The following TRAF3 variants were observed in gnomAD, a reference collection of about 807,000 sequenced individuals.
The protein encoded by TRAF3 is TNF receptor associated factor 3.
In TRAF3, 13 loss-of-function variants were observed where a neutral mutation model predicts 62.3. That is an observed-to-expected ratio of 0.21 (90% CI 0.14 to 0.33). TRAF3 has a LOEUF of 0.33. Ranked by LOEUF, TRAF3 falls within the 10% of genes least tolerant of loss-of-function variation. TRAF3 has a pLI of 1.00. For synonymous variants in TRAF3, 269 were observed against 283.4 expected, an observed-to-expected ratio of 0.95 and a Z score of 0.51; for missense variants, 440 against 741.8, an observed-to-expected ratio of 0.59 and a Z score of 4.73.
chr14:102,779,797 A>G (rs1310627520), intron 1 of TRAF3, among the ~76,000 whole-genome samples: 2 of 152,242 alleles, frequency 1.3e-5, no homozygotes, highest in East Asian at 3.8e-4. Context: ...AATTTGCCCA[A>G]CTCTATTTTC....
chr14:102,805,717 T>C (rs1267547786), intron 1 of TRAF3, among the ~76,000 whole-genome samples: 1 of 152,210 alleles, frequency 6.6e-6, no homozygotes. Context: ...AGGTTAGTCA[T>C]GCATTCCCTC....
intron 2 of TRAF3, among the ~76,000 whole-genome samples, chr14:102,868,807 G>A (rs751481557): frequency 1.3e-5 from 2 of 152,186 alleles, no homozygotes; most frequent in Non-Finnish European, 2.9e-5. Context: ...CATTTCTTCA[G>A]GAACTCGATT....
chr14:102,904,116 A>T (rs941907344), intron 11 of TRAF3, among the ~76,000 whole-genome samples: 1 of 152,196 alleles, frequency 6.6e-6, no homozygotes, highest in East Asian at 1.9e-4. Context: ...CGGGCTTCCC[A>T]GGAAGCCACA....
chr14:102,792,773 T>G (rs375552559), intron 1 of TRAF3, among the ~76,000 whole-genome samples: 1 of 152,164 alleles, frequency 6.6e-6, no homozygotes, highest in Non-Finnish European at 1.5e-5. Context: ...TGTTGTTAGA[T>G]TGAGTTTGCT....
intron 10 of TRAF3, among the ~76,000 whole-genome samples, chr14:102,902,194 G>A (rs956567897): frequency 1.3e-5 from 2 of 152,244 alleles, no homozygotes; most frequent in African/African-American, 2.4e-5. Flanking sequence ...GCAGCCTCGT[G>A]TGTTCGTGGC....
intron 6 of TRAF3, among the ~76,000 whole-genome samples, chr14:102,882,766 A>G (rs1412847869): frequency 6.6e-6 from 1 of 152,086 alleles, no homozygotes; most frequent in Non-Finnish European, 1.5e-5. Flanking sequence ...GAAACCCTGG[A>G]CCATTGCAGT....
intron 4 of TRAF3, among the ~76,000 whole-genome samples, chr14:102,872,611 A>G (rs941714957): frequency 6.6e-6 from 1 of 152,230 alleles, no homozygotes; most frequent in African/African-American, 2.4e-5. Context: ...ACTGACAGTC[A>G]TCCATGTGCT....
intron 1 of TRAF3, among the ~76,000 whole-genome samples, chr14:102,783,165 T>C (rs1287274424): frequency 6.6e-6 from 1 of 152,188 alleles, no homozygotes; most frequent in Admixed American, 6.5e-5. Flanking sequence ...AGGAGGGATG[T>C]GCCAGATGCC....
intron 2 of TRAF3, among the ~76,000 whole-genome samples, chr14:102,843,581 A>C (rs934187517): frequency 2.0e-5 from 3 of 152,120 alleles, no homozygotes; most frequent in Admixed American, 2.0e-4. Context: ...CAAGCAATCC[A>C]CCCATCTCAG....
chr14:102,867,421 G>A (rs1254333492), intron 2 of TRAF3, among the ~76,000 whole-genome samples: 2 of 152,140 alleles, frequency 1.3e-5, no homozygotes, highest in Non-Finnish European at 2.9e-5. Context: ...TCTAGGGGAC[G>A]CATCCTGGAG....
At chr14:102,858,888 A>T (rs763079831) in intron 2 of TRAF3, among the ~76,000 whole-genome samples, 7 of 152,208 alleles carry the variant, frequency 4.6e-5, no homozygotes, top group Non-Finnish European at 8.8e-5. Flanking sequence ...CCCAATTCTT[A>T]ATAAAACATT....
intron 2 of TRAF3, among the ~76,000 whole-genome samples, chr14:102,847,320 G>A (rs1886784450): frequency 6.6e-6 from 1 of 152,234 alleles, no homozygotes; most frequent in East Asian, 1.9e-4. Context: ...GATTACAGGT[G>A]TGTGCCACCA....
chr14:102,873,475 T>C (rs1448268176), intron 4 of TRAF3, among the ~76,000 whole-genome samples: 2 of 152,238 alleles, frequency 1.3e-5, no homozygotes, highest in African/African-American at 4.8e-5. Flanking sequence ...ATCTCTGTTT[T>C]GTTATGCAGA....
chr14:102,821,749 CT>C (rs1899999239), intron 1 of TRAF3, among the ~76,000 whole-genome samples: 2 of 152,186 alleles, frequency 1.3e-5, no homozygotes, highest in Non-Finnish European at 2.9e-5. Context: ...CCTTTAAATA[CT>C]CAGGGTTTTG....
chr14:102,777,822 C>T (rs1281627563), intron 1 of TRAF3, 147 bp downstream of exon 1: 2 of 145,758 alleles, frequency 1.4e-5, no homozygotes, highest in Non-Finnish European at 3.0e-5. Flanking sequence ...CCCGGCCCGT[C>T]CCAGCGGCGA....
intron 2 of TRAF3, among the ~76,000 whole-genome samples, chr14:102,840,062 C>T (rs776167442): frequency 6.6e-6 from 1 of 152,034 alleles, no homozygotes; most frequent in Non-Finnish European, 1.5e-5. Context: ...AGGTGATTTA[C>T]GCCCCCCAAC....
chr14:102,827,722 C>T (rs945870920), intron 1 of TRAF3, among the ~76,000 whole-genome samples: 1 of 152,158 alleles, frequency 6.6e-6, no homozygotes, highest in African/African-American at 2.4e-5. Flanking sequence ...GAATGAAAAC[C>T]AAAGGTCATT....
chr14:102,842,557 G>A (rs1218868997), intron 2 of TRAF3, among the ~76,000 whole-genome samples: 2 of 151,914 alleles, frequency 1.3e-5, no homozygotes, highest in Non-Finnish European at 2.9e-5. Flanking sequence ...GGAGGGAATG[G>A]AAAAAATATT....
chr14:102,828,285 G>A (rs1595337693), intron 1 of TRAF3, among the ~76,000 whole-genome samples: 1 of 152,222 alleles, frequency 6.6e-6, no homozygotes, highest in Admixed American at 6.5e-5. Context: ...GCAATGCAGC[G>A]GTTACCAAAG....
Sources: allele counts gnomAD v4.1 joint callset (sites outside exome capture counted in the v4.1 genomes callset), GRCh38; gene constraint gnomAD v4.1.1; transcripts MANE v1.5; gene names NCBI Gene and HGNC (gene_info 2026-07-23, HGNC 2026-07-21).